Variants in CADPS2 observed in about 807,000 individuals in gnomAD.
CADPS2 encodes calcium dependent secretion activator 2.
CADPS2 carries 93 observed loss-of-function variants against 172.5 expected under a neutral mutation model. The ratio of observed to expected loss-of-function variants is 0.54; its 90% CI spans 0.46 to 0.64. The LOEUF (loss-of-function observed/expected upper bound fraction) is 0.64, where lower values mean the gene tolerates loss of function less well. Ranked by LOEUF, CADPS2 falls within the 30% of genes least tolerant of loss-of-function variation. The pLI is 0.00. For synonymous variants in CADPS2, 546 were observed against 555.2 expected, an observed-to-expected ratio of 0.98 and a Z score of 0.23; for missense variants, 1,420 against 1,565.9, an observed-to-expected ratio of 0.91 and a Z score of 1.57.
intron 7 of CADPS2, among the ~76,000 whole-genome samples, chr7:122,559,712 A>G (rs2065478973): frequency 6.8e-6 from 1 of 146,466 alleles, no homozygotes; most frequent in East Asian, 2.1e-4. Flanking sequence ...CAGAGGTTGC[A>G]GTGAGCCGAG....
intron 25 of CADPS2, among the ~76,000 whole-genome samples, chr7:122,378,187 A>G (rs1445677412): frequency 6.6e-6 from 1 of 152,142 alleles, no homozygotes; most frequent in Non-Finnish European, 1.5e-5. Context: ...TTCCCTCATT[A>G]GAAATTAAGG....
intron 1 of CADPS2, among the ~76,000 whole-genome samples, chr7:122,754,984 A>G (rs528216325): frequency 3.9e-5 from 6 of 152,200 alleles, no homozygotes; most frequent in African/African-American, 1.2e-4. Context: ...AATGGCTCAT[A>G]GTCTCCTTTA....
chr7:122,580,546 G>A (rs2068675116), intron 7 of CADPS2, among the ~76,000 whole-genome samples: 1 of 151,758 alleles, frequency 6.6e-6, no homozygotes, highest in Admixed American at 6.6e-5. Context: ...TTATAAGTCT[G>A]AAGATGACCT....
intron 8 of CADPS2, among the ~76,000 whole-genome samples, 169 bp from the exon 9 acceptor site, chr7:122,513,484 T>C (rs951036687): frequency 1.3e-5 from 2 of 152,240 alleles, no homozygotes; most frequent in African/African-American, 2.4e-5. Flanking sequence ...CAAAATGAGT[T>C]AGCTTATTCT....
chr7:122,464,943 A>G lies in CADPS2; in HGVS notation c.2186+6432T>C, dbSNP rs545221972. On this transcript the variant is annotated intron_variant, in intron 14 of 29. Coordinates refer to ENST00000449022, the MANE Select transcript of CADPS2 (RefSeq NM_017954.11). ...TCTTAGTTTTGACAAATGTATGACA[A>G]TAACATTAAGGGAAACGGAAATACG... Among the ~76,000 whole-genome samples the G allele has an allele frequency of 3.3e-4, 51 of 152,354 alleles. 1 individual carries two copies. In the South Asian group the frequency reaches 8.1e-3, roughly 24 times the overall value.
chr7:122,840,318 T>C (rs1337866618), intron 1 of CADPS2, among the ~76,000 whole-genome samples: 1 of 151,984 alleles, frequency 6.6e-6, no homozygotes, highest in Non-Finnish European at 1.5e-5. Context: ...TTAGGAGATA[T>C]ACCTAATGTA....
chr7:122,627,048 T>C lies in CADPS2; in HGVS notation c.867+2200A>G, dbSNP rs1487685562. Among the ~76,000 whole-genome samples the C allele has an allele frequency of 7.2e-5, 11 of 152,216 alleles. No individual in the cohort carries two copies. In the East Asian group the frequency reaches 1.7e-3, roughly 24 times the overall value. ...TGAATGCCAACTAATAGCTGTTTAT[T>C]AACCACTCTTCTGGAATGATCAGAT... On this transcript the variant is annotated intron_variant, in intron 4 of 29. Transcript: ENST00000449022.
intron 1 of CADPS2, among the ~76,000 whole-genome samples, chr7:122,840,502 T>G (rs1444587684): frequency 1.3e-5 from 2 of 151,438 alleles, no homozygotes; most frequent in African/African-American, 4.9e-5. Flanking sequence ...CAAAATCTCA[T>G]TAAATAAATT....
chr7:122,802,066 T>C (rs1172593313), intron 1 of CADPS2, among the ~76,000 whole-genome samples: 1 of 152,188 alleles, frequency 6.6e-6, no homozygotes, highest in East Asian at 1.9e-4. Context: ...AGCTATAAGA[T>C]GTCTAAACAG....
chr7:122,523,236 A>T (rs1282203802), intron 8 of CADPS2, among the ~76,000 whole-genome samples: 1 of 152,154 alleles, frequency 6.6e-6, no homozygotes, highest in Non-Finnish European at 1.5e-5. Context: ...AGCATTTTAC[A>T]ATTGATCATT....
intron 4 of CADPS2, among the ~76,000 whole-genome samples, chr7:122,622,028 T>A (rs1170809973): frequency 6.6e-6 from 1 of 152,164 alleles, no homozygotes; most frequent in African/African-American, 2.4e-5. Flanking sequence ...ATGGAAGATA[T>A]TTTAGCGTAT....
At chr7:122,561,571 GGGCATTA>G (rs1015192485) in intron 7 of CADPS2, among the ~76,000 whole-genome samples, 2 of 151,992 alleles carry the variant, frequency 1.3e-5, no homozygotes, top group Non-Finnish European at 2.9e-5. Flanking sequence ...GATATGAAGG[GGGCATTA>G]GGCAAGCCGT....
chr7:122,414,425 A>G (rs2047651183), intron 18 of CADPS2, among the ~76,000 whole-genome samples: 1 of 152,192 alleles, frequency 6.6e-6, no homozygotes, highest in African/African-American at 2.4e-5. Flanking sequence ...AATTATTAAT[A>G]GATTTTTTAA....
chr7:122,731,705 T>C (rs2091660632), intron 2 of CADPS2, among the ~76,000 whole-genome samples: 1 of 151,302 alleles, frequency 6.6e-6, no homozygotes, highest in South Asian at 2.1e-4. Flanking sequence ...ACAAAAAAGA[T>C]GAAAGTGCAG....
chr7:122,721,196 A>G (rs1009547209), intron 2 of CADPS2, among the ~76,000 whole-genome samples: 9 of 151,894 alleles, frequency 5.9e-5, no homozygotes, highest in Non-Finnish European at 1.2e-4. Flanking sequence ...CTGCTTATAA[A>G]TCTGTCTCTC....
intron 19 of CADPS2, among the ~76,000 whole-genome samples, chr7:122,409,322 A>T (rs373476432): frequency 6.6e-6 from 1 of 152,232 alleles, no homozygotes; most frequent in African/African-American, 2.4e-5. Flanking sequence ...TTCACAGCCA[A>T]TATCTTTGCA....
chr7:122,733,657 T>C (rs1397646072), intron 2 of CADPS2, among the ~76,000 whole-genome samples: 5 of 151,994 alleles, frequency 3.3e-5, no homozygotes, highest in Admixed American at 6.6e-5. Context: ...CTGTTTAACT[T>C]TGGGACTTCA....
chr7:122,645,357 A>G (rs1284384441), intron 3 of CADPS2, among the ~76,000 whole-genome samples: 2 of 111,518 alleles, frequency 1.8e-5, no homozygotes, highest in Non-Finnish European at 4.2e-5. Context: ...GTGTGTGTAT[A>G]CATGTACATG....
chr7:122,703,450 T>C (rs2086486820), intron 2 of CADPS2, among the ~76,000 whole-genome samples: 1 of 152,134 alleles, frequency 6.6e-6, no homozygotes, highest in Non-Finnish European at 1.5e-5. Flanking sequence ...CCACATTAAA[T>C]GCCTATCCCA....
Sources: gnomAD v4.1 joint callset for allele counts (sites outside exome capture counted in the v4.1 genomes callset) on GRCh38, gnomAD v4.1.1 for gene constraint, MANE v1.5 for transcripts, NCBI Gene and HGNC (gene_info 2026-07-23, HGNC 2026-07-21) for gene names.